DRC3: variants seen among roughly 807,000 people sequenced by gnomAD.
The protein encoded by DRC3 is leucine rich repeat containing 48.
DRC3 carries 45 observed loss-of-function variants against 57.6 expected under a neutral mutation model. The ratio of observed to expected loss-of-function variants is 0.78; its 90% CI spans 0.62 to 1.00. DRC3 has a LOEUF of 1.00. Ranked by LOEUF, DRC3 falls within the 50% of genes least tolerant of loss-of-function variation. The probability of loss-of-function intolerance (pLI) is 0.00; values close to 1 mark genes in which losing one functional copy is unlikely to be tolerated. For synonymous variants in DRC3, 257 were observed against 272.3 expected, an observed-to-expected ratio of 0.94 and a Z score of 0.55; for missense variants, 655 against 675.2, an observed-to-expected ratio of 0.97 and a Z score of 0.33.
Position 17,977,349 on chromosome 17 carries a change from T to C in DRC3, c.-17-233T>C, listed in dbSNP as rs2042434743. 9.8e-6 allele frequency: 5 copies of C among 511,802 alleles called. No individual in the cohort carries two copies. The East Asian group carries it at 1.8e-4, about 19-fold the overall frequency. 31.7% of individuals were successfully genotyped at this position (511,802 alleles called of 1,614,324 possible). ...GTCCAGCGAGGGTCCCAGCTGTGGC[T>C]GTAGGGTCAAGGGATGAAACCCTGT... On this transcript the variant is annotated intron_variant, in intron 2 of 13. Coordinates refer to ENST00000399187, the MANE Select transcript of DRC3 (RefSeq NM_031294.4).
At chr17:17,983,108 T>A (rs529597998) in intron 3 of DRC3, among the ~76,000 whole-genome samples, 233 of 152,168 alleles carry the variant, frequency 1.5e-3, no homozygotes, top group Non-Finnish European at 1.8e-3. Flanking sequence ...GCAAACAGAA[T>A]GAACCAGCTG....
At chr17:17,979,156 A>G (rs1395034615) in intron 3 of DRC3, among the ~76,000 whole-genome samples, 1 of 152,194 alleles carries the variant, frequency 6.6e-6, no homozygotes, top group Non-Finnish European at 1.5e-5. Flanking sequence ...CAGATCCACC[A>G]GGGAAAGTGG....
At chr17:17,998,981 TC>T (rs2043576715) in intron 9 of DRC3, among the ~76,000 whole-genome samples, 1 of 152,176 alleles carries the variant, frequency 6.6e-6, no homozygotes, top group Non-Finnish European at 1.5e-5. Context: ...GTGGCAGTTG[TC>T]CCCTCTGGAC....
intron 9 of DRC3, among the ~76,000 whole-genome samples, chr17:18,003,755 G>C (rs1431274640): frequency 1.4e-5 from 2 of 142,660 alleles, no homozygotes; most frequent in Non-Finnish European, 3.0e-5. Flanking sequence ...CCATTCTCCT[G>C]CCTCAGCCTC....
intron 3 of DRC3, among the ~76,000 whole-genome samples, chr17:17,978,784 C>G (rs1432846861): frequency 6.6e-6 from 1 of 152,182 alleles, no homozygotes; most frequent in Non-Finnish European, 1.5e-5. Flanking sequence ...GCTTTTGCAG[C>G]TGACCGCTTG....
At chr17:17,997,936 C>T (rs1214393238) in intron 9 of DRC3, among the ~76,000 whole-genome samples, 13 of 152,212 alleles carry the variant, frequency 8.5e-5, no homozygotes, top group Admixed American at 8.5e-4. Context: ...ATCATCGTTA[C>T]TATTAATAAC....
intron 4 of DRC3, among the ~76,000 whole-genome samples, chr17:17,985,676 C>T (rs1018973950): frequency 4.6e-5 from 7 of 152,160 alleles, no homozygotes; most frequent in South Asian, 2.1e-4. Flanking sequence ...AAATTGGCCA[C>T]GGTGGGAGTA....
intron 10 of DRC3, chr17:18,005,096 C>T (rs1209799332): frequency 6.5e-6 from 1 of 152,688 alleles, no homozygotes; most frequent in Non-Finnish European, 1.5e-5. Context: ...ATAGATTTCC[C>T]CATCACATCA....
intron 7 of DRC3, among the ~76,000 whole-genome samples, 195 bp downstream of exon 7, chr17:17,994,613 CCCTGACCCTACT>C (rs1568496255): frequency 6.6e-6 from 1 of 152,204 alleles, no homozygotes; most frequent in South Asian, 2.1e-4. Flanking sequence ...TCAGTCCAGA[CCCTGACCCTACT>C]CCTTACTGGC....
At chr17:17,973,760 C>T (rs1398305353) in intron 1 of DRC3, 92 bp from the exon 2 acceptor site, 9 of 152,200 alleles carry the variant, frequency 5.9e-5, no homozygotes, top group African/African-American at 2.2e-4. Flanking sequence ...AGGTGTAAGC[C>T]ATCTCGCCCA....
At chr17:17,976,953 C>T (rs1300662962) in intron 2 of DRC3, among the ~76,000 whole-genome samples, 4 of 152,220 alleles carry the variant, frequency 2.6e-5, no homozygotes, top group South Asian at 4.1e-4. Context: ...AGCCCACACT[C>T]CCTATTCCTC....
At chr17:17,979,829 G>A (rs548864203) in intron 3 of DRC3, among the ~76,000 whole-genome samples, 2 of 152,308 alleles carry the variant, frequency 1.3e-5, no homozygotes, top group African/African-American at 2.4e-5. Context: ...TGGGAATTGT[G>A]GCCAGTATCA....
intron 3 of DRC3, among the ~76,000 whole-genome samples, chr17:17,979,754 C>A (rs1454140372): frequency 1.3e-5 from 2 of 152,160 alleles, no homozygotes; most frequent in African/African-American, 4.8e-5. Flanking sequence ...CCTGGAAAAT[C>A]CAACCCAGGG....
rs1427225441 is a variant in DRC3 at position 17,977,736 on chromosome 17, G to C, written c.138G>C (p.Leu46=). 6.2e-7 allele frequency: 1 copy of C among 1,609,226 alleles called. No homozygotes were observed. The highest frequency in any genetic ancestry group is 8.5e-7 in the Non-Finnish European group (1 of 1,177,282). The part of the protein sequence containing the change: ...KQEGILFKDV[L]SLQLDFRNIL... ...AGGGCATCCTCTTCAAGGATGTCCTGTCCCTGCAGCTGGACTTTCGGAGTA... is the reference window on the plus strand; with the variant it reads ...AGGGCATCCTCTTCAAGGATGTCCTCTCCCTGCAGCTGGACTTTCGGAGTA... The change falls in exon 3 of 14, where the codon CTG becomes CTC. Residue 46 remains leucine, a synonymous_variant. Transcript: ENST00000399187.
In DRC3 at chr17:18,006,210, A is replaced by G. The variant is rs200313075; in HGVS notation, c.1159A>G (p.Ile387Val). 4.5e-5 allele frequency: 72 copies of G among 1,612,518 alleles called. No individual in the cohort carries two copies. In the African/African-American group the frequency reaches 8.7e-4, roughly 19 times the overall value. The change falls in exon 11 of 14, where the codon ATT (isoleucine) becomes GTT (valine). Residue 387 changes from isoleucine (I) to valine (V), a missense_variant. Transcript: ENST00000399187. ...EETINMFERN[I>V]VDMVGLFIEN... ...GACTATAAACATGTTTGAAAGGAAC[A>G]TTGTTGACATGGTAGGACTGTTTAT...
chr17:17,988,131 C>A, intron 5 of DRC3, 33 bp downstream of exon 5: 1 of 1,601,382 alleles, frequency 6.2e-7, no homozygotes, highest in Non-Finnish European at 8.5e-7. Flanking sequence ...CTCACGCACA[C>A]CTGCAGAGCC....
At chr17:17,984,000 T>A in intron 4 of DRC3, 56 bp downstream of exon 4, 1 of 1,127,702 alleles carries the variant, frequency 8.9e-7, no homozygotes, top group South Asian at 1.3e-5. Flanking sequence ...CCTGACAAGG[T>A]TATTGCCTTC....
At chr17:17,992,632 C>G (rs1440807773) in intron 5 of DRC3, 133 bp from the exon 6 acceptor site, 1 of 949,892 alleles carries the variant, frequency 1.1e-6, no homozygotes, top group African/African-American at 1.7e-5. Context: ...TGCACACTGC[C>G]TGTCACCCCA....
intron 2 of DRC3, chr17:17,977,272 G>C (rs1310020709): frequency 6.1e-6 from 2 of 327,276 alleles, no homozygotes; most frequent in East Asian, 1.8e-4. Context: ...ACAGTCATAA[G>C]ATGAGTCAAG....
Sources: gnomAD v4.1 joint callset for allele counts (sites outside exome capture counted in the v4.1 genomes callset) on GRCh38, gnomAD v4.1.1 for gene constraint, MANE v1.5 for transcripts, NCBI Gene and HGNC (gene_info 2026-07-23, HGNC 2026-07-21) for gene names.